SEPTIN9: variants seen among roughly 807,000 people sequenced by gnomAD.
The protein encoded by SEPTIN9 is septin-9.
A neutral mutation model predicts 56.6 loss-of-function variants in SEPTIN9; 13 were observed. The observed-to-expected ratio is 0.23, with a 90% CI of 0.15 to 0.37. The LOEUF (loss-of-function observed/expected upper bound fraction) is 0.37. Among genes scored for constraint, SEPTIN9 ranks in the 10% least tolerant of loss-of-function variants. The probability of loss-of-function intolerance (pLI) is 1.00; values close to 1 mark genes in which losing one functional copy is unlikely to be tolerated. For missense variants in SEPTIN9, 650 were observed against 823.1 expected (o/e 0.79, Z 2.57); for synonymous variants, 332 against 334.1 (o/e 0.99, Z 0.07).
chr17:77,352,388 C>T (rs1170765171), intron 2 of SEPTIN9, among the ~76,000 whole-genome samples: 1 of 150,322 alleles, frequency 6.7e-6, no homozygotes, highest in Non-Finnish European at 1.5e-5. Flanking sequence ...GCCTGGGTGA[C>T]AGAGCAAGAC....
chr17:77,338,051 G>C (rs1253588525), intron 2 of SEPTIN9, among the ~76,000 whole-genome samples: 2 of 152,096 alleles, frequency 1.3e-5, no homozygotes, highest in African/African-American at 4.8e-5. Flanking sequence ...ACAAAAATTA[G>C]CTGGGTGTGG....
chr17:77,490,988 C>T (rs1186907147), intron 8 of SEPTIN9, 129 bp downstream of exon 8: 7 of 772,402 alleles, frequency 9.1e-6, no homozygotes, highest in Middle Eastern at 3.3e-4. Context: ...CTCTCCCCAG[C>T]GGGTGGCTGG....
chr17:77,484,616 GTGA>G (rs1419784376), intron 4 of SEPTIN9, among the ~76,000 whole-genome samples: 16 of 149,878 alleles, frequency 1.1e-4, no homozygotes, highest in Non-Finnish European at 2.2e-4. Flanking sequence ...GGTGATGGTG[GTGA>G]TGGGGATGAT....
At chr17:77,379,876 A>G (rs1376995789) in intron 2 of SEPTIN9, among the ~76,000 whole-genome samples, 1 of 151,870 alleles carries the variant, frequency 6.6e-6, no homozygotes, top group Admixed American at 6.6e-5. Flanking sequence ...TGACAAAGCC[A>G]CTGAGGAAAA....
At chr17:77,347,997 C>G (rs868392119) in intron 2 of SEPTIN9, among the ~76,000 whole-genome samples, 6 of 152,114 alleles carry the variant, frequency 3.9e-5, no homozygotes, top group South Asian at 2.1e-4. Context: ...CAAGACATAA[C>G]TCCATCATCA....
intron 4 of SEPTIN9, chr17:77,483,178 G>A (rs1406007974): frequency 6.5e-6 from 1 of 153,176 alleles, no homozygotes; most frequent in Non-Finnish European, 1.5e-5. Flanking sequence ...CTCAGGCCGG[G>A]CCTGTTTCTC....
At chr17:77,479,452 C>G (rs1182281955) in intron 3 of SEPTIN9, among the ~76,000 whole-genome samples, 1 of 152,254 alleles carries the variant, frequency 6.6e-6, no homozygotes, top group African/African-American at 2.4e-5. Flanking sequence ...TGCGGGCCAG[C>G]CGGGGCCTGC....
chr17:77,491,008 C>T, intron 8 of SEPTIN9, 149 bp downstream of exon 8: 1 of 683,720 alleles, frequency 1.5e-6, no homozygotes, highest in Non-Finnish European at 2.6e-6. Context: ...GCCTGGTGGT[C>T]CCTGGCCCAG....
Position 77,367,110 on chromosome 17 carries a change from G to A in SEPTIN9, c.77-34949G>A, listed in dbSNP as rs12453419. ...GAGGGTGTGATGGGGTGTGGTAGCT[G>A]CACACCGGCTCAGTCAGGCTGAATG... On this transcript the variant is annotated intron_variant, in intron 2 of 11. Coordinates refer to ENST00000427177, the MANE Select transcript of SEPTIN9 (RefSeq NM_001113491.2). This position sits in a 1 kb window ranked among gnomAD's most constrained non-coding sequence, Gnocchi z 4.5. Among the ~76,000 whole-genome samples, 30,673 of 152,192 alleles carry A rather than the reference G, an allele frequency of 0.2. 3,747 individuals are homozygous for A. Among genetic ancestry groups the A allele is most frequent in the South Asian group, 0.34 (1,654 of 4,822 alleles).
chr17:77,320,022 G>A (rs1482347083), intron 2 of SEPTIN9: 1 of 1,328,462 alleles, frequency 7.5e-7, no homozygotes, highest in Non-Finnish European at 9.6e-7. Context: ...GGCCCACTTC[G>A]GGCCCTCTCT....
chr17:77,354,272 G>A (rs564722378), intron 2 of SEPTIN9, among the ~76,000 whole-genome samples: 8 of 152,306 alleles, frequency 5.3e-5, no homozygotes, highest in Non-Finnish European at 8.8e-5. Flanking sequence ...GGAAACAGGC[G>A]TAGAGGGATA....
intron 3 of SEPTIN9, among the ~76,000 whole-genome samples, chr17:77,478,403 A>C (rs553705283): frequency 6.6e-6 from 1 of 152,360 alleles, no homozygotes; most frequent in Non-Finnish European, 1.5e-5. Context: ...AATGCACAGC[A>C]TCTTAAAGAG....
intron 2 of SEPTIN9, among the ~76,000 whole-genome samples, chr17:77,362,266 T>A (rs1568014521): frequency 6.6e-6 from 1 of 152,188 alleles, no homozygotes; most frequent in Admixed American, 6.5e-5. Context: ...TGTGGCCACA[T>A]GGATGGGACA....
intron 3 of SEPTIN9, among the ~76,000 whole-genome samples, chr17:77,448,621 G>A (rs1310984302): frequency 6.6e-6 from 1 of 152,070 alleles, no homozygotes; most frequent in African/African-American, 2.4e-5. Context: ...GTGCACTCTG[G>A]GTTTCAGAGT....
intron 1 of SEPTIN9, among the ~76,000 whole-genome samples, chr17:77,286,629 C>T (rs1260069496): frequency 6.6e-6 from 1 of 152,230 alleles, no homozygotes; most frequent in African/African-American, 2.4e-5. Flanking sequence ...CTCTGACACT[C>T]TCCTGCCATC....
chr17:77,409,371 C>T (rs558589477), intron 3 of SEPTIN9, among the ~76,000 whole-genome samples: 2 of 152,224 alleles, frequency 1.3e-5, no homozygotes, highest in East Asian at 1.9e-4. Context: ...GAGCCTGGCT[C>T]CAGAGCCCAG....
intron 3 of SEPTIN9, among the ~76,000 whole-genome samples, chr17:77,468,207 G>C (rs555803219): frequency 2.4e-3 from 368 of 152,328 alleles, no homozygotes; most frequent in African/African-American, 8.3e-3. Context: ...AGAGCTTGCA[G>C]TGAGCCCAGA....
intron 1 of SEPTIN9, among the ~76,000 whole-genome samples, chr17:77,301,510 C>T (rs1265012761): frequency 3.9e-5 from 6 of 152,020 alleles, no homozygotes; most frequent in Non-Finnish European, 5.9e-5. Context: ...CTGCAACCTC[C>T]GCCTCTCGGG....
chr17:77,418,060 C>T (rs1367485842), intron 3 of SEPTIN9, among the ~76,000 whole-genome samples: 1 of 152,222 alleles, frequency 6.6e-6, no homozygotes, highest in Admixed American at 6.5e-5. Context: ...CGAGCTGTCA[C>T]ACATCAGAAC....
Sources: allele counts gnomAD v4.1 joint callset (sites outside exome capture counted in the v4.1 genomes callset), GRCh38; gene constraint gnomAD v4.1.1; non-coding constraint Gnocchi (gnomAD v3.1); transcripts MANE v1.5; gene names NCBI Gene and HGNC (gene_info 2026-07-23, HGNC 2026-07-21).